The following PCSK7 variants were observed in gnomAD, a reference collection of about 807,000 sequenced individuals.
The protein encoded by PCSK7 is proprotein convertase subtilisin/kexin type 7, also known as lymphoma proprotein convertase.
PCSK7 carries 38 observed loss-of-function variants against 73.3 expected under a neutral mutation model. The ratio of observed to expected loss-of-function variants is 0.52; its 90% CI spans 0.40 to 0.68. The LOEUF is 0.68. Ranked by LOEUF, PCSK7 falls within the 30% of genes least tolerant of loss-of-function variation. The pLI is 0.00. For synonymous variants in PCSK7, 296 were observed against 383.8 expected (o/e 0.77, Z 2.68); for missense variants, 692 against 991.5 (o/e 0.70, Z 4.06).
chr11:117,231,326 T>C (rs1242685322), intron 1 of PCSK7: 1 of 152,182 alleles, frequency 6.6e-6, no homozygotes, highest in African/African-American at 2.4e-5. Context: ...CTACATTTCT[T>C]CCTCTCGTTT....
At chr11:117,227,962 G>A (rs1276021106) in intron 4 of PCSK7, among the ~76,000 whole-genome samples, 2 of 152,172 alleles carry the variant, frequency 1.3e-5, no homozygotes, top group Admixed American at 1.3e-4. Flanking sequence ...TCCAACAAGA[G>A]GGAAGTTGCC....
At chr11:117,217,762 A>G (rs2032043049) in intron 12 of PCSK7, 1 of 152,256 alleles carries the variant, frequency 6.6e-6, no homozygotes, top group African/African-American at 2.4e-5. Flanking sequence ...GAATCCCCCA[A>G]GGAGCTGGGG....
intron 12 of PCSK7, chr11:117,212,222 T>C (rs2031758857): frequency 6.6e-6 from 1 of 152,170 alleles, no homozygotes; most frequent in Non-Finnish European, 1.5e-5. Flanking sequence ...TCTTCTGGGA[T>C]CTACTTTCGT....
Position 117,215,364 on chromosome 11 carries a change from T to TTGTGTGTGTGTGTGTGTGTGTG in PCSK7, c.1534+3101_1534+3102insCACACACACACACACACACACA, listed in dbSNP as rs778828914. The stretch of plus-strand genomic sequence containing the variant: ...GCACGTGCCACCATGCCTGGCTAAT[T>TTGTGTGTGTGTGTGTGTGTGTG]TGTGTGTGTGTGTGTGTATATATAT... On this transcript the variant is annotated intron_variant, in intron 12 of 16. Transcript: ENST00000320934. The TTGTGTGTGTGTGTGTGTGTGTG allele has an allele frequency of 1.6e-4, 14 of 84,912 alleles. 1 individual carries two copies. The highest frequency in any genetic ancestry group is 8.3e-4 in the African/African-American group (11 of 13,288). The allele number at this position is 84,912 out of a possible 1,614,324, so 5.3% of individuals were successfully genotyped here.
Position 117,229,672 on chromosome 11 carries a change from A to G in PCSK7, c.173T>C (p.Leu58Pro). The change falls in exon 3 of 17, where the codon CTG becomes CCG. Residue 58 changes from leucine to proline, a missense_variant. By Grantham distance (98) the Leu-to-Pro change is moderately conservative (BLOSUM62 -3). Coordinates refer to ENST00000320934, the MANE Select transcript of PCSK7 (RefSeq NM_004716.4). The part of the protein sequence containing the change: ...GTGGPSWAVH[L>P]ESLEGDGEEE... ...CTCCCCGTCACCTTCCAGGCTTTCC[A>G]GGTGCACAGCCCAGCTCGGCCCCCC... 1.9e-6 allele frequency: 3 copies of G among 1,613,834 alleles called. No individual in the cohort carries two copies. Among genetic ancestry groups the G allele is most frequent in the Admixed American group, 1.7e-5 (1 of 60,024 alleles).
chr11:117,215,380 G>GTGTGTGTGTGTGTGTGTGTGTGTATATA (rs1164738557), intron 12 of PCSK7: 1 of 55,894 alleles, frequency 1.8e-5, no homozygotes, highest in African/African-American at 1.2e-4. Flanking sequence ...GTGTGTGTGT[G>GTGTGTGTGTGTGTGTGTGTGTGTATATA]TATATATATA....
chr11:117,228,175 AAG>A, intron 4 of PCSK7, 39 bp downstream of exon 4: 1 of 1,599,070 alleles, frequency 6.3e-7, no homozygotes, highest in Non-Finnish European at 8.6e-7. Context: ...AGAAGGAGGT[AAG>A]ACGTGGGGAG....
Position 117,228,097 on chromosome 11 carries a change from C to T in PCSK7, c.603+119G>A. 4.2e-6 allele frequency: 4 copies of T among 949,020 alleles called. No individual in the cohort carries two copies. The South Asian group carries it at 4.9e-5, about 12-fold the overall frequency. The allele number at this position is 949,020 out of a possible 1,614,324, so 58.8% of individuals were successfully genotyped here. A position where few individuals can be genotyped will look rare whatever the true frequency, so the allele number is the denominator to read the frequency against. On this transcript the variant is annotated intron_variant, in intron 4 of 16. Transcript: ENST00000320934. ...GGAAAAGAAGAGGATGAACCCCATCCCACCTCCCAGGCTCTTTTATTTGGC... is the reference window on the plus strand; with the variant it reads ...GGAAAAGAAGAGGATGAACCCCATCTCACCTCCCAGGCTCTTTTATTTGGC...
intron 12 of PCSK7, chr11:117,215,856 G>C (rs1476564442): frequency 6.6e-6 from 1 of 151,882 alleles, no homozygotes; most frequent in Non-Finnish European, 1.5e-5. Context: ...ACCACGCCTA[G>C]CCTATTATTA....
At chr11:117,225,642 T>C in intron 6 of PCSK7, 1 of 429,586 alleles carries the variant, frequency 2.3e-6, no homozygotes, top group Non-Finnish European at 4.3e-6. Context: ...GGCCTGTGGA[T>C]GGAGAAGAAA....
intron 4 of PCSK7, among the ~76,000 whole-genome samples, chr11:117,227,762 G>C (rs917812394): frequency 6.6e-6 from 1 of 152,152 alleles, no homozygotes; most frequent in Non-Finnish European, 1.5e-5. Context: ...ATTTCTATCT[G>C]CAAACCACAC....
intron 7 of PCSK7, 80 bp from the exon 8 acceptor site, chr11:117,224,296 C>T (rs2032324543): frequency 4.8e-6 from 7 of 1,444,710 alleles, no homozygotes; most frequent in East Asian, 2.3e-5. Context: ...ACCCTCTCCA[C>T]CCCTTCTAGA....
At chr11:117,219,787 G>A in intron 9 of PCSK7, 29 bp from the exon 10 acceptor site, 1 of 1,539,408 alleles carries the variant, frequency 6.5e-7, no homozygotes, top group Non-Finnish European at 8.8e-7. Flanking sequence ...AAGGAAGTAG[G>A]TTAGAGACTG....
intron 7 of PCSK7, 42 bp downstream of exon 7, chr11:117,224,659 G>A: frequency 8.0e-6 from 12 of 1,501,404 alleles, no homozygotes; most frequent in Non-Finnish European, 1.1e-5. Context: ...ACTGTATGAA[G>A]AGGGCATCCC....
At chr11:117,223,017 C>A in intron 9 of PCSK7, 191 bp downstream of exon 9, 1 of 574,778 alleles carries the variant, frequency 1.7e-6, no homozygotes, top group Non-Finnish European at 3.1e-6. Flanking sequence ...AAAAGCATTC[C>A]CAAGATGTAT....
intron 1 of PCSK7, among the ~76,000 whole-genome samples, 172 bp from the exon 2 acceptor site, chr11:117,230,640 A>G (rs2032611096): frequency 6.6e-6 from 1 of 152,218 alleles, no homozygotes; most frequent in African/African-American, 2.4e-5. Context: ...CCAAATCAGT[A>G]TAACACCCAA....
At chr11:117,224,027 C>T in intron 8 of PCSK7, 51 bp downstream of exon 8, 1 of 1,593,738 alleles carries the variant, frequency 6.3e-7, no homozygotes, top group Non-Finnish European at 8.6e-7. Flanking sequence ...GTGTGATGCC[C>T]TAACCCTTCG....
At chr11:117,227,850 T>C (rs1209455038) in intron 4 of PCSK7, among the ~76,000 whole-genome samples, 3 of 152,154 alleles carry the variant, frequency 2.0e-5, no homozygotes, top group Admixed American at 1.3e-4. Context: ...CTCTTGCCCA[T>C]TATGCGAATG....
At chr11:117,227,387 A>G in intron 4 of PCSK7, 65 bp from the exon 5 acceptor site, 1 of 1,192,620 alleles carries the variant, frequency 8.4e-7, no homozygotes, top group Non-Finnish European at 1.2e-6. Flanking sequence ...CCTGGGGTTC[A>G]GGGACAGAAA....
Sources: gnomAD v4.1 joint callset for allele counts (sites outside exome capture counted in the v4.1 genomes callset) on GRCh38, gnomAD v4.1.1 for gene constraint, MANE v1.5 for transcripts, NCBI Gene and HGNC (gene_info 2026-07-23, HGNC 2026-07-21) for gene names.